Variants in PM20D2 observed in about 807,000 individuals in gnomAD.
The protein encoded by PM20D2 is peptidase M20 domain containing 2.
Under a neutral mutation model 42.9 loss-of-function variants are expected in PM20D2, and 33 were observed. The ratio of observed to expected loss-of-function variants is 0.77; its 90% CI spans 0.58 to 1.03. The LOEUF is 1.03. Among genes scored for constraint, PM20D2 ranks in the 50% least tolerant of loss-of-function variants. PM20D2 has a pLI of 0.00. For missense variants in PM20D2, 548 were observed against 557.0 expected (o/e 0.98, Z 0.16); for synonymous variants, 250 against 228.2 (o/e 1.10, Z -0.86).
the PM20D2 span, among the ~76,000 whole-genome samples, chr6:89,133,594 A>G: frequency 2.0e-5 from 3 of 151,116 alleles, no homozygotes; most frequent in Non-Finnish European, 2.9e-5. Context: ...AGATATGAAT[A>G]TGACCACATT....
chr6:89,157,029 T>C (rs1771072205), intron 4 of PM20D2, among the ~76,000 whole-genome samples: 1 of 152,186 alleles, frequency 6.6e-6, no homozygotes, highest in Non-Finnish European at 1.5e-5. Context: ...TCTCAAGGTA[T>C]ACAGTATTCC....
chr6:89,099,862 A>G, the PM20D2 span, among the ~76,000 whole-genome samples: 2 of 152,106 alleles, frequency 1.3e-5, no homozygotes, highest in African/African-American at 4.8e-5. Flanking sequence ...AAAGCTACAC[A>G]ACATTTATAA....
At chr6:89,150,501 C>CT (rs1770792692) in intron 2 of PM20D2, among the ~76,000 whole-genome samples, 1 of 142,132 alleles carries the variant, frequency 7.0e-6, no homozygotes, top group Admixed American at 7.1e-5. Context: ...CTCCTAGTAT[C>CT]TGCCTTCTTA....
At chr6:89,102,466 A>G in the PM20D2 span, among the ~76,000 whole-genome samples, 2 of 152,282 alleles carry the variant, frequency 1.3e-5, no homozygotes, top group Middle Eastern at 3.4e-3. Flanking sequence ...TATACTGAAA[A>G]TACATTGATG....
the PM20D2 span, among the ~76,000 whole-genome samples, chr6:89,124,353 A>G: frequency 6.6e-6 from 1 of 152,234 alleles, no homozygotes; most frequent in Non-Finnish European, 1.5e-5. Context: ...ATATAAAACT[A>G]AATAGTACCA....
chr6:89,098,574 C>G, the PM20D2 span: 1 of 1,603,160 alleles, frequency 6.2e-7, no homozygotes, highest in Non-Finnish European at 8.5e-7. Flanking sequence ...CTTTCTGTTG[C>G]TGTTCACCAA....
chr6:89,113,149 A>G, the PM20D2 span, among the ~76,000 whole-genome samples: 52 of 152,228 alleles, frequency 3.4e-4, no homozygotes, highest in Admixed American at 1.8e-3. Context: ...ATAATTTTAC[A>G]TATGTTTTAT....
the PM20D2 span, chr6:89,096,073 T>A: frequency 1.3e-5 from 2 of 152,186 alleles, no homozygotes; most frequent in African/African-American, 4.8e-5. Context: ...AAGACAATTT[T>A]CCAGGATACC....
intron 5 of PM20D2, among the ~76,000 whole-genome samples, chr6:89,161,115 AT>A (rs1355840629): frequency 6.6e-6 from 1 of 152,172 alleles, no homozygotes; most frequent in East Asian, 1.9e-4. Flanking sequence ...GAGCGTTAGG[AT>A]TCTGAGATAT....
the PM20D2 span, chr6:89,105,407 T>C: frequency 6.3e-7 from 1 of 1,582,434 alleles, no homozygotes; most frequent in East Asian, 2.2e-5. Context: ...AAATAAAATC[T>C]AGCATTCAGT....
chr6:89,108,577 G>A, the PM20D2 span, among the ~76,000 whole-genome samples: 7 of 152,106 alleles, frequency 4.6e-5, no homozygotes, highest in Admixed American at 6.6e-5. Flanking sequence ...AATGTGGCTC[G>A]GGAGAAATAA....
chr6:89,158,192 A>T lies in PM20D2; in HGVS notation c.913-133A>T, dbSNP rs539271762. On this transcript the variant is annotated intron_variant, in intron 4 of 6. Transcript: ENST00000275072. ...TTTCTTTTTTAAGGTAAGAGATTTG[A>T]GAGTGTTTATATCTGGAAGGGAAAG... The T allele has an allele frequency of 2.8e-4, 208 of 743,100 alleles. No homozygotes were observed. The African/African-American group carries it at 3.6e-3, about 13-fold the overall frequency. The allele number at this position is 743,100 out of a possible 1,614,324, so 46.0% of individuals were successfully genotyped here.
the PM20D2 span, among the ~76,000 whole-genome samples, chr6:89,102,927 T>G: frequency 2.0e-5 from 3 of 152,082 alleles, no homozygotes; most frequent in Non-Finnish European, 4.4e-5. Flanking sequence ...CACACGTGGC[T>G]AATTTTTTTT....
intron 5 of PM20D2, among the ~76,000 whole-genome samples, chr6:89,160,344 C>T (rs1771194071): frequency 6.6e-6 from 1 of 152,168 alleles, no homozygotes; most frequent in African/African-American, 2.4e-5. Flanking sequence ...TTGGTTTCTT[C>T]ATGTTTAAAA....
chr6:89,099,708 T>C, the PM20D2 span, among the ~76,000 whole-genome samples: 1 of 152,090 alleles, frequency 6.6e-6, no homozygotes, highest in Admixed American at 6.6e-5. Context: ...GCTAACTTTG[T>C]ATTTTCAGTA....
At chr6:89,104,649 G>T in the PM20D2 span, among the ~76,000 whole-genome samples, 1 of 151,896 alleles carries the variant, frequency 6.6e-6, no homozygotes, top group Admixed American at 6.6e-5. Context: ...ATAAACCCAA[G>T]TTAAATAACA....
Position 89,146,337 on chromosome 6 carries a change from T to A in PM20D2, c.193T>A (p.Phe65Ile). Reference sequence around the variant, plus strand: ...CCATGCCCACCGCGTGCTGACGCACTTCTTCGAGCGGGAGCCGCCCGCGGC... The same window carrying A: ...CCATGCCCACCGCGTGCTGACGCACATCTTCGAGCGGGAGCCGCCCGCGGC... ...EHHAHRVLTH[F>I]FEREPPAASW... The change falls in exon 1 of 7, where the codon TTC (phenylalanine) becomes ATC (isoleucine). Residue 65 changes from phenylalanine to isoleucine, a missense_variant. Physicochemically the swap from Phe to Ile is conservative, Grantham distance 21. This residue lies in a region of PM20D2 where 470 missense variants were observed against 464.4 expected (regional missense o/e 1.01). Coordinates refer to ENST00000275072, the MANE Select transcript of PM20D2 (RefSeq NM_001010853.3). 6.4e-7 allele frequency: 1 copy of A among 1,568,744 alleles called. No homozygotes were observed. The highest frequency in any genetic ancestry group is 1.1e-5 in the South Asian group (1 of 86,998).
At chr6:89,148,101 C>A (rs570101286) in intron 1 of PM20D2, among the ~76,000 whole-genome samples, 1 of 151,186 alleles carries the variant, frequency 6.6e-6, no homozygotes, top group East Asian at 2.0e-4. Context: ...GTGCTTCAGC[C>A]TCCTGAGCTG....
the PM20D2 span, chr6:89,107,357 A>T: frequency 1.2e-6 from 1 of 823,422 alleles, no homozygotes; most frequent in Non-Finnish European, 2.0e-6. Context: ...AAAGAACATC[A>T]TCTAGACCAG....
Sources: allele counts gnomAD v4.1 joint callset (sites outside exome capture counted in the v4.1 genomes callset), GRCh38; gene constraint gnomAD v4.1.1; regional missense constraint gnomAD v4.1.1; transcripts MANE v1.5; gene names NCBI Gene and HGNC (gene_info 2026-07-23, HGNC 2026-07-21).